The following ACSF2 variants were observed in gnomAD, a reference collection of about 807,000 sequenced individuals.
ACSF2 encodes medium-chain acyl-CoA ligase ACSF2, mitochondrial.
ACSF2 carries 52 observed loss-of-function variants against 79.3 expected under a neutral mutation model. The ratio of observed to expected loss-of-function variants is 0.66; its 90% CI spans 0.53 to 0.83. The LOEUF (loss-of-function observed/expected upper bound fraction) is 0.83. Among genes scored for constraint, ACSF2 ranks in the 40% least tolerant of loss-of-function variants. The probability of loss-of-function intolerance (pLI) is 0.00; values close to 1 mark genes in which losing one functional copy is unlikely to be tolerated. For missense variants in ACSF2, 661 were observed against 803.3 expected (o/e 0.82, Z 2.14); for synonymous variants, 283 against 312.6 (o/e 0.91, Z 1.00).
intron 1 of ACSF2, among the ~76,000 whole-genome samples, chr17:50,445,255 A>G (rs935645942): frequency 6.6e-6 from 1 of 152,114 alleles, no homozygotes; most frequent in African/African-American, 2.4e-5. Flanking sequence ...AGCATCTTGG[A>G]CCAGTTGCTT....
intron 10 of ACSF2, chr17:50,468,269 G>GCGTTTTC: frequency 6.2e-7 from 1 of 1,611,254 alleles, no homozygotes; most frequent in Non-Finnish European, 8.5e-7. Context: ...GGAGCTCAAC[G>GCGTTTTC]CGTTTTCCGA....
rs780707588 is a variant in ACSF2 at position 50,462,241 on chromosome 17, G to A, written c.565G>A (p.Val189Ile). The A allele has an allele frequency of 2.5e-5, 40 of 1,613,962 alleles. No individual in the cohort carries two copies. The highest frequency in any genetic ancestry group is 2.9e-5 in the Non-Finnish European group (34 of 1,180,012). Reference protein sequence around the residue: ...KQFKTQQYYNVLKQICPEVEN... With the variant: ...KQFKTQQYYNILKQICPEVEN... ...ATTCAAGACCCAGCAATACTACAACGTCCTGAAGCAGATCTGTCCAGAAGT... is the reference window on the plus strand; with the variant it reads ...ATTCAAGACCCAGCAATACTACAACATCCTGAAGCAGATCTGTCCAGAAGT... The change falls in exon 5 of 16, where the codon GTC becomes ATC. Residue 189 changes from valine to isoleucine, a missense_variant. Physicochemically the swap from Val to Ile is conservative, Grantham distance 29. Coordinates refer to ENST00000300441, the MANE Select transcript of ACSF2 (RefSeq NM_025149.6).
At chr17:50,455,172 G>T (rs1294748723) in intron 1 of ACSF2, among the ~76,000 whole-genome samples, 1 of 152,116 alleles carries the variant, frequency 6.6e-6, no homozygotes, top group Non-Finnish European at 1.5e-5. Flanking sequence ...TAGTAGAGAT[G>T]GGGTTTCACC....
chr17:50,435,086 T>G (rs1430242024), intron 1 of ACSF2, among the ~76,000 whole-genome samples: 1 of 152,154 alleles, frequency 6.6e-6, no homozygotes, highest in Non-Finnish European at 1.5e-5. Context: ...GTCAAGCTGG[T>G]CTCAAACTCC....
chr17:50,434,474 G>A (rs1367337558), intron 1 of ACSF2, among the ~76,000 whole-genome samples: 1 of 151,778 alleles, frequency 6.6e-6, no homozygotes. Context: ...ATCACCTGAG[G>A]TCAGGAGTTC....
intron 1 of ACSF2, among the ~76,000 whole-genome samples, chr17:50,429,894 CT>C (rs1915368855): frequency 6.6e-6 from 1 of 152,212 alleles, no homozygotes; most frequent in Admixed American, 6.5e-5. Context: ...CTCCTTCCCC[CT>C]ATCTATGTGC....
At position 50,439,046 on chromosome 17, in the gene ACSF2, G is replaced by GT. The variant is rs917479942; in HGVS notation, c.128+12658dup. On this transcript the variant is annotated intron_variant, in intron 1 of 15. Transcript: ENST00000300441. ...TGCTCTTAGTCTTGGATTTTTTTGTGTATCAATAAACAATACATATTTTAT... is the reference window on the plus strand; with the variant it reads ...TGCTCTTAGTCTTGGATTTTTTTGTGTTATCAATAAACAATACATATTTTAT... 1.7e-4 allele frequency among the ~76,000 whole-genome samples: 25 copies of GT among 151,468 alleles called. 1 individual carries two copies. Among genetic ancestry groups the GT allele is most frequent in the Admixed American group, 1.1e-3 (17 of 15,184 alleles).
intron 1 of ACSF2, among the ~76,000 whole-genome samples, chr17:50,447,801 T>C (rs1446062812): frequency 6.6e-6 from 1 of 152,208 alleles, no homozygotes; most frequent in East Asian, 1.9e-4. Flanking sequence ...CTGTGGAAAG[T>C]AGTCTGACTG....
intron 1 of ACSF2, among the ~76,000 whole-genome samples, chr17:50,453,129 C>T (rs930858209): frequency 2.6e-5 from 4 of 152,180 alleles, no homozygotes; most frequent in East Asian, 3.8e-4. Flanking sequence ...TCATCCGCCA[C>T]GTGATCCACT....
At chr17:50,461,945 T>TGTGTGTGC (rs1273063234) in intron 4 of ACSF2, among the ~76,000 whole-genome samples, 2 of 150,952 alleles carry the variant, frequency 1.3e-5, no homozygotes, top group Non-Finnish European at 3.0e-5. Context: ...TGTGTGTGTG[T>TGTGTGTGC]GTGTGTGCGT....
Position 50,474,579 on chromosome 17 carries a change from G to C in ACSF2, c.*27G>C, listed in dbSNP as rs758899221. The C allele has an allele frequency of 4.3e-6, 7 of 1,612,778 alleles. No individual in the cohort carries two copies. In the Admixed American group the frequency reaches 5.0e-5, roughly 12 times the overall value. On this transcript the variant is annotated 3_prime_UTR_variant, in exon 16 of 16. Transcript: ENST00000300441. The surrounding 1 kb of genome is among the most constrained non-coding windows in gnomAD (Gnocchi z 4.2). Reference sequence around the variant, plus strand: ...TAAAGCAGCAGGCCTGTCCTGGCCGGTTGGCTTGACTCTCTCCTGTCAGAA... The same window carrying C: ...TAAAGCAGCAGGCCTGTCCTGGCCGCTTGGCTTGACTCTCTCCTGTCAGAA...
intron 1 of ACSF2, among the ~76,000 whole-genome samples, chr17:50,445,274 C>T (rs1398178772): frequency 1.3e-5 from 2 of 152,118 alleles, no homozygotes; most frequent in African/African-American, 4.8e-5. Flanking sequence ...TTAACTTTTT[C>T]ATCTCAGTGT....
In ACSF2 at chr17:50,462,532, T is replaced by A; in HGVS notation, c.739T>A (p.Tyr247Asn). The A allele has an allele frequency of 6.2e-7, 1 of 1,613,712 alleles. No homozygotes were observed. The highest frequency in any genetic ancestry group is 8.5e-7 in the Non-Finnish European group (1 of 1,179,942). Residue 247 changes from tyrosine (Y) to asparagine (N), a missense_variant, in exon 6 of 16, where the codon TAC becomes AAC. By Grantham distance (143) the Tyr-to-Asn change is moderately radical. Transcript: ENST00000300441. ...ACGGCAGCATCTGGACCAGCTCCAATACAACCAGCAGTTCCTGTCCTGCCA... is the reference window on the plus strand; with the variant it reads ...ACGGCAGCATCTGGACCAGCTCCAAAACAACCAGCAGTTCCTGTCCTGCCA... The part of the protein sequence containing the change: ...STRQHLDQLQ[Y>N]NQQFLSCHDP...
In ACSF2 at chr17:50,467,835, G is replaced by A. The variant is rs1000702588; in HGVS notation, c.1216-3193G>A. On this transcript the variant is annotated intron_variant, in intron 10 of 15. Coordinates refer to ENST00000300441, the MANE Select transcript of ACSF2 (RefSeq NM_025149.6). ...TTTTATATGTAAGAATCCTAGGAGG[G>A]CAGTGGTCGAGACTGGCAGCAGACA... 2.0e-5 allele frequency: 11 copies of A among 547,412 alleles called. No individual in the cohort carries two copies. In the African/African-American group the frequency reaches 2.1e-4, roughly 10 times the overall value. 33.9% of individuals were successfully genotyped at this position (547,412 alleles called of 1,614,324 possible).
chr17:50,463,486 C>T lies in ACSF2; in HGVS notation c.980C>T (p.Ala327Val), dbSNP rs2032479352. ...ACAATGATGTGTCTGATGTACGGTG[C>T]CACCCTCATCCTGGCCTCTCCCATC... ...AGTMMCLMYG[A>V]TLILASPIFN... Residue 327 changes from alanine (A) to valine (V), a missense_variant, in exon 8 of 16, where the codon GCC (alanine) becomes GTC (valine). Transcript: ENST00000300441. This position sits in a 1 kb window ranked among gnomAD's most constrained non-coding sequence, Gnocchi z 4.6. 6.2e-7 allele frequency: 1 copy of T among 1,614,122 alleles called. No individual in the cohort carries two copies. Among genetic ancestry groups the T allele is most frequent in the African/African-American group, 1.3e-5 (1 of 75,042 alleles).
intron 1 of ACSF2, among the ~76,000 whole-genome samples, chr17:50,447,814 G>A (rs2031398089): frequency 6.6e-6 from 1 of 152,174 alleles, no homozygotes; most frequent in African/African-American, 2.4e-5. Flanking sequence ...TCTGACTGAC[G>A]CTTGAGGCGT....
At chr17:50,428,323 T>C (rs571696620) in intron 1 of ACSF2, among the ~76,000 whole-genome samples, 2 of 151,736 alleles carry the variant, frequency 1.3e-5, no homozygotes, top group African/African-American at 2.4e-5. Flanking sequence ...CTACTAAAAA[T>C]ACAAAAATCA....
Position 50,473,965 on chromosome 17 carries a change from G to T in ACSF2, c.1689G>T (p.Glu563Asp). The part of the protein sequence containing the change: ...CACIRLKDGE[E>D]TTVEEIKAFC... ...GCATTCGGCTGAAGGACGGGGAGGA[G>T]ACCACGGTGGAGGAGATAAAAGCTT... Residue 563 changes from glutamate to aspartate, a missense_variant, in exon 14 of 16, where the codon GAG becomes GAT. Coordinates refer to ENST00000300441, the MANE Select transcript of ACSF2 (RefSeq NM_025149.6). 3 of 1,536,564 alleles carry T rather than the reference G, an allele frequency of 2.0e-6. No individual in the cohort carries two copies. The highest frequency in any genetic ancestry group is 2.5e-5 in the South Asian group (2 of 79,306).
Position 50,474,203 on chromosome 17 carries a change from C to T in ACSF2, c.1733C>T (p.Ser578Phe). 6.2e-7 allele frequency: 1 copy of T among 1,614,226 alleles called. No individual in the cohort carries two copies. The highest frequency in any genetic ancestry group is 8.5e-7 in the Non-Finnish European group (1 of 1,180,028). Reference protein sequence around the residue: ...EIKAFCKGKISHFKIPKYIVF... With the variant: ...EIKAFCKGKIFHFKIPKYIVF... Reference sequence around the variant, plus strand: ...CTCCCTCCCTCTGGTCTGCAGATCTCTCACTTCAAGATTCCGAAGTACATC... The same window carrying T: ...CTCCCTCCCTCTGGTCTGCAGATCTTTCACTTCAAGATTCCGAAGTACATC... Residue 578 changes from serine (S) to phenylalanine (F), a missense_variant, in exon 15 of 16, where the codon TCT (serine) becomes TTT (phenylalanine). Coordinates refer to ENST00000300441, the MANE Select transcript of ACSF2 (RefSeq NM_025149.6). The surrounding 1 kb of genome is among the most constrained non-coding windows in gnomAD (Gnocchi z 4.2).
Sources: gnomAD v4.1 joint callset for allele counts (sites outside exome capture counted in the v4.1 genomes callset) on GRCh38, gnomAD v4.1.1 for gene constraint, Gnocchi (gnomAD v3.1) non-coding constraint, MANE v1.5 for transcripts, NCBI Gene and HGNC (gene_info 2026-07-23, HGNC 2026-07-21) for gene names.